The following SLC5A4 variants were observed in gnomAD, a reference collection of about 807,000 sequenced individuals.
SLC5A4 encodes the protein solute carrier family 5 member 4, also known as probable glucose sensor protein SLC5A4.
A neutral mutation model predicts 70.3 loss-of-function variants in SLC5A4; 55 were observed. The ratio of observed to expected loss-of-function variants is 0.78; its 90% confidence interval spans 0.63 to 0.98. SLC5A4 has a LOEUF of 0.98. Ranked by LOEUF, SLC5A4 falls within the 50% of genes least tolerant of loss-of-function variation. The pLI, the probability that SLC5A4 is intolerant of heterozygous loss-of-function variation, is 0.00. For synonymous variants in SLC5A4, 268 were observed against 305.7 expected, an observed-to-expected ratio of 0.88 and a Z score of 1.29; for missense variants, 735 against 839.2, an observed-to-expected ratio of 0.88 and a Z score of 1.53.
At chr22:32,288,639 C>G in the SLC5A4 span, among the ~76,000 whole-genome samples, 4 of 152,120 alleles carry the variant, frequency 2.6e-5, no homozygotes, top group Non-Finnish European at 2.9e-5. Flanking sequence ...TTCTGCCTCC[C>G]GGGTTCAAGT....
chr22:32,353,591 C>T, the SLC5A4 span, among the ~76,000 whole-genome samples: 1 of 152,022 alleles, frequency 6.6e-6, no homozygotes, highest in Non-Finnish European at 1.5e-5. Flanking sequence ...CAGCGCAGCC[C>T]CCAACAGCAC....
At chr22:32,344,151 G>T in the SLC5A4 span, among the ~76,000 whole-genome samples, 1 of 152,218 alleles carries the variant, frequency 6.6e-6, no homozygotes, top group South Asian at 2.1e-4. Flanking sequence ...AAAAGACATC[G>T]CTGGGTTCAA....
chr22:32,314,152 A>AG, the SLC5A4 span, among the ~76,000 whole-genome samples: 1 of 152,208 alleles, frequency 6.6e-6, no homozygotes, highest in South Asian at 2.1e-4. Flanking sequence ...GAATGTGTAC[A>AG]GGGGCTAAGG....
At chr22:32,313,334 T>C in the SLC5A4 span, among the ~76,000 whole-genome samples, 1 of 152,206 alleles carries the variant, frequency 6.6e-6, no homozygotes. Context: ...TGTTCCCCTT[T>C]TACCCTCAAA....
At chr22:32,345,223 T>C in the SLC5A4 span, among the ~76,000 whole-genome samples, 17 of 152,204 alleles carry the variant, frequency 1.1e-4, no homozygotes, top group African/African-American at 3.9e-4. Context: ...AACTAAAACA[T>C]GTGCTACAAT....
the SLC5A4 span, among the ~76,000 whole-genome samples, chr22:32,293,906 G>A: frequency 6.6e-6 from 1 of 152,062 alleles, no homozygotes; most frequent in East Asian, 1.9e-4. Context: ...CATATATACT[G>A]TTTGATATAG....
In SLC5A4 at chr22:32,219,292, A is replaced by G. The variant is rs540559278; in HGVS notation, c.1769-567T>C. ...TAGCGTATTGCAAAATCATATAGGC[A>G]TGAACCCTTTGACCCAACAACGGAA... is the stretch of plus-strand genomic sequence containing the variant. On this transcript the variant is annotated intron_variant, in intron 14 of 14. Transcript: ENST00000266086. Among the ~76,000 whole-genome samples, 8 of 152,328 alleles carry G rather than the reference A, an allele frequency of 5.3e-5. No individual in the cohort carries two copies. In the East Asian group the frequency reaches 1.3e-3, roughly 26 times the overall value.
chr22:32,347,900 TA>T, the SLC5A4 span, among the ~76,000 whole-genome samples: 1 of 151,132 alleles, frequency 6.6e-6, no homozygotes, highest in African/African-American at 2.5e-5. Context: ...ACTATAAAAT[TA>T]CCCACAAAAA....
chr22:32,219,374 A>G (rs1924917631), intron 14 of SLC5A4, among the ~76,000 whole-genome samples: 1 of 152,212 alleles, frequency 6.6e-6, no homozygotes, highest in East Asian at 1.9e-4. Flanking sequence ...ACTCATGTAT[A>G]TGGCTATCTG....
the SLC5A4 span, among the ~76,000 whole-genome samples, chr22:32,329,855 G>A: frequency 1.7e-5 from 1 of 57,700 alleles, no homozygotes. Context: ...TGTGTTGGGG[G>A]CTCTGGTGTG....
At chr22:32,228,518 G>A (rs561035470) in intron 11 of SLC5A4, among the ~76,000 whole-genome samples, 10 of 148,568 alleles carry the variant, frequency 6.7e-5, no homozygotes, top group African/African-American at 2.6e-4. Flanking sequence ...CTCCAGCCTG[G>A]GCAAAAAGAG....
At chr22:32,332,104 G>T in the SLC5A4 span, among the ~76,000 whole-genome samples, 1 of 148,706 alleles carries the variant, frequency 6.7e-6, no homozygotes, top group Non-Finnish European at 1.5e-5. Flanking sequence ...CACCACCCTC[G>T]GCCAAGCCGC....
the SLC5A4 span, among the ~76,000 whole-genome samples, chr22:32,289,168 T>TA: frequency 7.9e-5 from 12 of 152,226 alleles, no homozygotes; most frequent in African/African-American, 2.7e-4. Flanking sequence ...TAGCTGTTTT[T>TA]ATCTTGAATG....
At chr22:32,345,879 T>G in the SLC5A4 span, among the ~76,000 whole-genome samples, 1 of 152,208 alleles carries the variant, frequency 6.6e-6, no homozygotes, top group African/African-American at 2.4e-5. Flanking sequence ...TAATTTAAAT[T>G]GCCACAGAGG....
chr22:32,234,813 CACAT>C (rs1245299323), intron 8 of SLC5A4, 56 bp downstream of exon 8: 2 of 1,216,606 alleles, frequency 1.6e-6, no homozygotes, highest in Non-Finnish European at 2.4e-6. Context: ...AGCACATGCA[CACAT>C]ACAGACACAC....
the SLC5A4 span, among the ~76,000 whole-genome samples, chr22:32,264,869 G>A: frequency 5.5e-4 from 84 of 152,208 alleles, no homozygotes; most frequent in South Asian, 0.017. Flanking sequence ...AACCCCGCAC[G>A]TTTATAGTCT....
At chr22:32,264,968 T>G in the SLC5A4 span, among the ~76,000 whole-genome samples, 1 of 152,244 alleles carries the variant, frequency 6.6e-6, no homozygotes, top group African/African-American at 2.4e-5. Context: ...AAAATGCCCA[T>G]GTATAATGAT....
the SLC5A4 span, among the ~76,000 whole-genome samples, chr22:32,304,769 C>T: frequency 2.6e-5 from 4 of 152,116 alleles, no homozygotes; most frequent in Admixed American, 2.0e-4. Context: ...TTTCATAGAT[C>T]GTGTCTTTGG....
intron 3 of SLC5A4, among the ~76,000 whole-genome samples, chr22:32,249,742 A>G (rs1429562778): frequency 6.6e-6 from 1 of 152,250 alleles, no homozygotes; most frequent in Non-Finnish European, 1.5e-5. Flanking sequence ...AGAGTAAGAC[A>G]AAAGAACAGA....
Sources: allele counts gnomAD v4.1 joint callset (sites outside exome capture counted in the v4.1 genomes callset), GRCh38; gene constraint gnomAD v4.1.1; transcripts MANE v1.5; gene names NCBI Gene and HGNC (gene_info 2026-07-23, HGNC 2026-07-21).